CA10: variants seen among roughly 807,000 people sequenced by gnomAD.
CA10 encodes the protein carbonic anhydrase 10 (inactive), also known as carbonic anhydrase-related protein 10.
A neutral mutation model predicts 44.2 loss-of-function variants in CA10; 14 were observed. That is an observed-to-expected ratio of 0.32 (90% CI 0.21 to 0.50). The LOEUF (loss-of-function observed/expected upper bound fraction) is 0.50. CA10 is among the 20% of genes least tolerant of loss of function. The probability of loss-of-function intolerance (pLI) is 0.99; values close to 1 mark genes in which losing one functional copy is unlikely to be tolerated. For synonymous variants in CA10, 159 were observed against 141.6 expected (o/e 1.12, Z -0.87); for missense variants, 350 against 409.7 (o/e 0.85, Z 1.26).
At chr17:51,656,300 G>A (rs1190466779) in intron 4 of CA10, among the ~76,000 whole-genome samples, 1 of 152,186 alleles carries the variant, frequency 6.6e-6, no homozygotes, top group Admixed American at 6.5e-5. Context: ...GAAGTCTCCT[G>A]GGCCATGGGC....
intron 2 of CA10, among the ~76,000 whole-genome samples, chr17:51,991,535 C>T (rs973255311): frequency 1.3e-5 from 2 of 152,108 alleles, no homozygotes; most frequent in Admixed American, 1.3e-4. Context: ...TTAAGCCAAA[C>T]GTGGTGGCTC....
chr17:51,691,297 C>T (rs1656404873), intron 4 of CA10, among the ~76,000 whole-genome samples: 1 of 152,146 alleles, frequency 6.6e-6, no homozygotes, highest in Non-Finnish European at 1.5e-5. Context: ...TAATATCTCA[C>T]TGTGATTTTC....
chr17:52,133,145 C>T (rs976494884), intron 1 of CA10, among the ~76,000 whole-genome samples: 5 of 152,160 alleles, frequency 3.3e-5, no homozygotes, highest in South Asian at 4.1e-4. Flanking sequence ...TGGTACCATG[C>T]CCTTTGGTGA....
chr17:52,011,286 A>T (rs1490243750), intron 2 of CA10, among the ~76,000 whole-genome samples: 1 of 152,000 alleles, frequency 6.6e-6, no homozygotes, highest in African/African-American at 2.4e-5. Flanking sequence ...TGGGCTTCAT[A>T]GCCCTATGAT....
rs748461115 is a variant in CA10, at chr17:51,959,282, C to CTCTGTGTGTG, written c.137-28151_137-28150insCACACACAGA. ...TTGTTCTCTCTCTCGCTCTCTCTCTCTGTGTGTGTGTGTGTGTGTGTGTGT... is the reference window on the plus strand; with the variant it reads ...TTGTTCTCTCTCTCGCTCTCTCTCTCTCTGTGTGTGTGTGTGTGTGTGTGTGTGTGTGTGT... On this transcript the variant is annotated intron_variant, in intron 2 of 8. Transcript: ENST00000451037. Among the ~76,000 whole-genome samples, 1,129 of 134,358 alleles carry CTCTGTGTGTG rather than the reference C, an allele frequency of 8.4e-3. 5 individuals carry two copies. Among genetic ancestry groups the CTCTGTGTGTG allele is most frequent in the South Asian group, 0.014 (54 of 3,832 alleles). 88.1% of individuals were successfully genotyped at this position (134,358 alleles called of 152,430 possible).
intron 3 of CA10, among the ~76,000 whole-genome samples, chr17:51,798,272 C>T (rs1906793192): frequency 6.6e-6 from 1 of 152,218 alleles, no homozygotes; most frequent in Non-Finnish European, 1.5e-5. Context: ...TTTAGGTGGG[C>T]ACCTCAAGGC....
intron 4 of CA10, among the ~76,000 whole-genome samples, chr17:51,703,219 A>G (rs1029459088): frequency 6.6e-6 from 1 of 152,198 alleles, no homozygotes; most frequent in Non-Finnish European, 1.5e-5. Context: ...TGTACTGTAC[A>G]TAATAGGTAA....
intron 4 of CA10, among the ~76,000 whole-genome samples, chr17:51,682,541 G>A (rs1914880685): frequency 6.6e-6 from 1 of 152,194 alleles, no homozygotes; most frequent in South Asian, 2.1e-4. Context: ...CTGGATAAAG[G>A]TGAAAGGGGA....
At chr17:51,907,177 T>C (rs1981592232) in intron 3 of CA10, among the ~76,000 whole-genome samples, 1 of 152,156 alleles carries the variant, frequency 6.6e-6, no homozygotes, top group African/African-American at 2.4e-5. Context: ...CTCACTGTCC[T>C]CTGTTCATAG....
chr17:51,845,348 T>C (rs1978445229), intron 3 of CA10, among the ~76,000 whole-genome samples: 1 of 152,132 alleles, frequency 6.6e-6, no homozygotes, highest in Admixed American at 6.5e-5. Context: ...GGCTGTCAAG[T>C]CGTGAAGATA....
chr17:51,631,351 CATGTGTTTGT>C lies in CA10; in HGVS notation c.*223_*232del, dbSNP rs752695101. 8.4e-5 allele frequency: 48 copies of C among 571,050 alleles called. No homozygotes were observed. The highest frequency in any genetic ancestry group is 1.4e-4 in the Non-Finnish European group (44 of 316,846). The allele number at this position is 571,050 out of a possible 1,614,324, so 35.4% of individuals were successfully genotyped here. Reference sequence around the variant, plus strand: ...GTGTGTGTGTGTGTAGGTATGTTTGCATGTGTTTGTATGTATGTGCAAGTGCTTGTGTGTG... The same window carrying C: ...GTGTGTGTGTGTGTAGGTATGTTTGCATGTATGTGCAAGTGCTTGTGTGTG... On this transcript the variant is annotated 3_prime_UTR_variant, in exon 9 of 9. Coordinates refer to ENST00000451037, the MANE Select transcript of CA10 (RefSeq NM_020178.5).
chr17:51,915,010 ATC>A (rs1193300477), intron 3 of CA10, among the ~76,000 whole-genome samples: 1 of 152,146 alleles, frequency 6.6e-6, no homozygotes, highest in African/African-American at 2.4e-5. Flanking sequence ...TAATTCCAGG[ATC>A]TGGGGTATTT....
chr17:52,016,173 G>T (rs1244022357), intron 2 of CA10, among the ~76,000 whole-genome samples: 1 of 152,088 alleles, frequency 6.6e-6, no homozygotes, highest in Non-Finnish European at 1.5e-5. Context: ...AAGCAGCTCA[G>T]AGCATCTCCA....
chr17:51,975,794 C>T (rs1375841152), intron 2 of CA10, among the ~76,000 whole-genome samples: 2 of 147,930 alleles, frequency 1.4e-5, no homozygotes, highest in African/African-American at 5.0e-5. Context: ...TCGTTAGAAC[C>T]GAGGAGGCGG....
At chr17:51,946,166 G>A (rs898867318) in intron 2 of CA10, among the ~76,000 whole-genome samples, 4 of 152,138 alleles carry the variant, frequency 2.6e-5, no homozygotes, top group Admixed American at 2.6e-4. Flanking sequence ...AGCAATTGGG[G>A]AGATGTTAGT....
intron 4 of CA10, among the ~76,000 whole-genome samples, chr17:51,690,816 T>C (rs1279429676): frequency 1.3e-5 from 2 of 152,302 alleles, no homozygotes; most frequent in Middle Eastern, 3.4e-3. Flanking sequence ...TAATACAACA[T>C]GTAAGTGAGA....
intron 3 of CA10, among the ~76,000 whole-genome samples, chr17:51,853,266 T>C (rs1448191036): frequency 6.6e-6 from 1 of 152,174 alleles, no homozygotes; most frequent in Non-Finnish European, 1.5e-5. Flanking sequence ...AATACTGCAG[T>C]GATCTAATGC....
chr17:51,717,713 A>G (rs1422294693), intron 4 of CA10, among the ~76,000 whole-genome samples: 2 of 29,314 alleles, frequency 6.8e-5, no homozygotes, highest in African/African-American at 2.3e-4. Context: ...ATATATACAT[A>G]TATACGTATA....
chr17:51,799,721 C>G (rs1050121552), intron 3 of CA10, among the ~76,000 whole-genome samples: 2 of 152,068 alleles, frequency 1.3e-5, no homozygotes, highest in African/African-American at 2.4e-5. Flanking sequence ...AGTATATTAT[C>G]CAAAGAAGAT....
Sources: allele counts gnomAD v4.1 joint callset (sites outside exome capture counted in the v4.1 genomes callset), GRCh38; gene constraint gnomAD v4.1.1; transcripts MANE v1.5; gene names NCBI Gene and HGNC (gene_info 2026-07-23, HGNC 2026-07-21).